INSL6: variants seen among roughly 807,000 people sequenced by gnomAD.
INSL6 encodes insulin like 6.
INSL6 carries 16 observed loss-of-function variants against 9.4 expected under a neutral mutation model. The ratio of observed to expected loss-of-function variants is 1.70; its 90% CI spans 1.15 to 2.59. The LOEUF (loss-of-function observed/expected upper bound fraction) is 2.59, where lower values mean the gene tolerates loss of function less well. Among genes scored for constraint, INSL6 ranks in the 30% most tolerant of loss-of-function variants. The pLI, the probability that INSL6 is intolerant of heterozygous loss-of-function variation, is 0.00. For synonymous variants in INSL6, 154 were observed against 96.9 expected, an observed-to-expected ratio of 1.59 and a Z score of -3.46; for missense variants, 391 against 257.3, an observed-to-expected ratio of 1.52 and a Z score of -3.56.
At chr9:5,115,495 CAG>C in the INSL6 span, among the ~76,000 whole-genome samples, 1 of 152,166 alleles carries the variant, frequency 6.6e-6, no homozygotes. Flanking sequence ...TTGTGGAAGA[CAG>C]TGTGGCAATT....
the INSL6 span, among the ~76,000 whole-genome samples, chr9:5,082,784 A>G: frequency 7.2e-5 from 11 of 152,330 alleles, no homozygotes; most frequent in African/African-American, 1.4e-4. Context: ...GCCTGTACAC[A>G]TTTTGTTAAC....
At chr9:5,101,570 G>A in the INSL6 span, among the ~76,000 whole-genome samples, 25 of 152,380 alleles carry the variant, frequency 1.6e-4, no homozygotes, top group South Asian at 4.1e-3. Flanking sequence ...TGGACAGACT[G>A]CCTCAGGTGG....
At chr9:5,042,126 T>C in the INSL6 span, among the ~76,000 whole-genome samples, 4 of 62,892 alleles carry the variant, frequency 6.4e-5, no homozygotes, top group Admixed American at 6.3e-4. Context: ...CAAAATTTCT[T>C]TTTTTTTTTT....
chr9:5,007,290 CATT>C, the INSL6 span, among the ~76,000 whole-genome samples: 3 of 152,150 alleles, frequency 2.0e-5, no homozygotes, highest in African/African-American at 7.2e-5. Context: ...TACTCATTTT[CATT>C]ATTGATTCAA....
intron 2 of INSL6, among the ~76,000 whole-genome samples, chr9:5,140,299 T>C (rs1476092347): frequency 6.6e-6 from 1 of 152,066 alleles, no homozygotes; most frequent in African/African-American, 2.4e-5. Context: ...TCATATTTTC[T>C]CCAAAAAGCA....
the INSL6 span, chr9:5,077,509 A>G: frequency 6.9e-7 from 1 of 1,446,270 alleles, no homozygotes; most frequent in Non-Finnish European, 9.2e-7. Context: ...TCTGAAAAAG[A>G]ATAAAAATTG....
intron 3 of INSL6, chr9:5,127,847 C>CAT (rs1401279512): frequency 4.3e-6 from 1 of 232,196 alleles, no homozygotes; most frequent in East Asian, 6.0e-5. Context: ...GCATTGCAGT[C>CAT]ATAGAAGAGA....
At chr9:5,057,153 C>T in the INSL6 span, among the ~76,000 whole-genome samples, 1 of 151,944 alleles carries the variant, frequency 6.6e-6, no homozygotes, top group Admixed American at 6.6e-5. Flanking sequence ...TCATTTTATT[C>T]ATATTGATAC....
chr9:5,179,490 C>T (rs954805773), intron 1 of INSL6, among the ~76,000 whole-genome samples: 5 of 148,430 alleles, frequency 3.4e-5, no homozygotes, highest in African/African-American at 1.3e-4. Context: ...CAATCCATTA[C>T]TGGGTGTATA....
the INSL6 span, among the ~76,000 whole-genome samples, chr9:5,103,610 G>C: frequency 6.6e-6 from 1 of 152,110 alleles, no homozygotes; most frequent in Non-Finnish European, 1.5e-5. Context: ...CAAATCAACA[G>C]AATATACATT....
the INSL6 span, among the ~76,000 whole-genome samples, chr9:5,076,903 C>T: frequency 6.6e-6 from 1 of 151,950 alleles, no homozygotes; most frequent in Non-Finnish European, 1.5e-5. Context: ...TTTTGGAAGC[C>T]AACACTTGTT....
intron 3 of INSL6, chr9:5,126,536 C>A: frequency 1.0e-6 from 1 of 991,602 alleles, no homozygotes; most frequent in South Asian, 1.5e-5. Flanking sequence ...ATTTAATGTG[C>A]GGAGCTTCCA....
the INSL6 span, among the ~76,000 whole-genome samples, chr9:5,008,603 T>C: frequency 6.6e-6 from 1 of 152,238 alleles, no homozygotes; most frequent in Non-Finnish European, 1.5e-5. Context: ...CAGTGATTTT[T>C]ATATGTGTGG....
the INSL6 span, among the ~76,000 whole-genome samples, chr9:5,047,968 GTATT>G: frequency 6.6e-6 from 1 of 152,070 alleles, no homozygotes; most frequent in Non-Finnish European, 1.5e-5. Context: ...TTAAGGAATA[GTATT>G]TATTATGTTT....
the INSL6 span, among the ~76,000 whole-genome samples, chr9:5,019,037 A>G: frequency 2.4e-4 from 37 of 152,178 alleles, 1 homozygote; most frequent in East Asian, 5.0e-3. Context: ...GTTGTGGAGA[A>G]CCTGTTGGAA....
chr9:5,113,925 G>A, the INSL6 span: 8 of 237,096 alleles, frequency 3.4e-5, no homozygotes, highest in African/African-American at 1.2e-4. Flanking sequence ...ACTTACCCCC[G>A]ACCATCCAGT....
chr9:5,103,996 C>A, the INSL6 span, among the ~76,000 whole-genome samples: 1 of 152,096 alleles, frequency 6.6e-6, no homozygotes, highest in Non-Finnish European at 1.5e-5. Flanking sequence ...CTTAACATCA[C>A]AATTAAAAGA....
chr9:5,054,914 T>C, the INSL6 span: 8 of 1,461,448 alleles, frequency 5.5e-6, no homozygotes, highest in Non-Finnish European at 7.4e-6. This position sits in a 1 kb window ranked among gnomAD's most constrained non-coding sequence, Gnocchi z 4.9. Flanking sequence ...TCTTGTTCTT[T>C]GTTATTTTAA....
chr9:5,104,313 G>C, the INSL6 span, among the ~76,000 whole-genome samples: 1 of 152,146 alleles, frequency 6.6e-6, no homozygotes, highest in Non-Finnish European at 1.5e-5. Flanking sequence ...AGAAAATCTA[G>C]AAGAAATGGA....
Sources: gnomAD v4.1 joint callset for allele counts (sites outside exome capture counted in the v4.1 genomes callset) on GRCh38, gnomAD v4.1.1 for gene constraint, Gnocchi (gnomAD v3.1) non-coding constraint, MANE v1.5 for transcripts, NCBI Gene and HGNC (gene_info 2026-07-23, HGNC 2026-07-21) for gene names.